NUDT6: variants seen among roughly 807,000 people sequenced by gnomAD.
NUDT6 encodes FAD diphosphatase NUDT6.
In NUDT6, 24 loss-of-function variants were observed where a neutral mutation model predicts 36.8. The observed-to-expected ratio is 0.65, with a 90% CI of 0.47 to 0.92. NUDT6 has a LOEUF of 0.92. Ranked by LOEUF, NUDT6 falls within the 40% of genes least tolerant of loss-of-function variation. NUDT6 has a pLI of 0.00. For synonymous variants in NUDT6, 163 were observed against 157.0 expected (o/e 1.04, Z -0.29); for missense variants, 388 against 392.8 (o/e 0.99, Z 0.10).
intron 3 of NUDT6, among the ~76,000 whole-genome samples, chr4:122,910,370 T>G (rs1727708702): frequency 6.6e-6 from 1 of 152,190 alleles, no homozygotes; most frequent in African/African-American, 2.4e-5. Flanking sequence ...AAGCTCCTTT[T>G]TTTCCAGATT....
rs1159329715 is a variant in NUDT6, at chr4:122,893,188, A to G, written c.591T>C (p.Gly197=). 4 of 1,612,456 alleles carry G rather than the reference A, an allele frequency of 2.5e-6. No homozygotes were observed. The highest frequency in any genetic ancestry group is 3.3e-4 in the Middle Eastern group (2 of 6,076). The change falls in exon 5 of 5, where the codon GGT becomes GGC. Residue 197 remains glycine (G), a synonymous_variant. Coordinates refer to ENST00000304430, the MANE Select transcript of NUDT6 (RefSeq NM_007083.5). The stretch of plus-strand genomic sequence containing the variant: ...GGACGGACCTGAATTCTGATTTTAT[A>G]CCAGTCTCTTCAAAAACTTCTCGAA... The part of the protein sequence containing the change: ...TAVREVFEET[G]IKSEFRSVLS...
chr4:122,916,218 CAG>C (rs1290099031), intron 2 of NUDT6, among the ~76,000 whole-genome samples: 1 of 152,090 alleles, frequency 6.6e-6, no homozygotes, highest in Non-Finnish European at 1.5e-5. Flanking sequence ...GGATAGGGCC[CAG>C]CAATCTGTTT....
At chr4:122,894,145 T>A (rs1030853054) in intron 4 of NUDT6, 1 of 152,238 alleles carries the variant, frequency 6.6e-6, no homozygotes, top group African/African-American at 2.4e-5. Context: ...TCTTGTTTTT[T>A]CCCTCTAATA....
chr4:122,892,956 A>C lies in NUDT6; in HGVS notation c.823T>G (p.Tyr275Asp), dbSNP rs967879543. Residue 275 changes from tyrosine (Y) to aspartate (D), a missense_variant, in exon 5 of 5, where the codon TAC (tyrosine) becomes GAC (aspartate). By Grantham distance (160) the Tyr-to-Asp change is radical. Coordinates refer to ENST00000304430, the MANE Select transcript of NUDT6 (RefSeq NM_007083.5). ...TCAATTTTGTCAAACCCTTCTCTGT[A>C]CCCATACAGCAGCAGCCTAGCAACT... ...SRVARLLLYG[Y>D]REGFDKIDLT... The C allele has an allele frequency of 1.9e-6, 3 of 1,613,992 alleles. No homozygotes were observed. The African/African-American group carries it at 4.0e-5, about 22-fold the overall frequency.
At chr4:122,908,990 G>C (rs968383123) in intron 3 of NUDT6, among the ~76,000 whole-genome samples, 5 of 151,904 alleles carry the variant, frequency 3.3e-5, no homozygotes, top group African/African-American at 7.2e-5. Context: ...TGTAAAAATA[G>C]ATCATCATCC....
chr4:122,906,049 T>C, intron 3 of NUDT6, among the ~76,000 whole-genome samples: 1 of 152,222 alleles, frequency 6.6e-6, no homozygotes, highest in South Asian at 2.1e-4. Context: ...AAAATTCTTA[T>C]GTCCATTCAC....
At position 122,892,902 on chromosome 4, in the gene NUDT6, A is replaced by G. The variant is rs2150794186; in HGVS notation, c.877T>C (p.Tyr293His). Residue 293 changes from tyrosine to histidine, a missense_variant, in exon 5 of 5, where the codon TAC becomes CAC. Coordinates refer to ENST00000304430, the MANE Select transcript of NUDT6 (RefSeq NM_007083.5). ...TAGAGTTTATAAAACAGTCCTGTGT[A>G]AACTGCTGGAAGTTCTTCCACAGTC... Reference protein sequence around the residue: ...DLTVEELPAVYTGLFYKLYHK... With the variant: ...DLTVEELPAVHTGLFYKLYHK... 6.2e-7 allele frequency: 1 copy of G among 1,614,030 alleles called. No individual in the cohort carries two copies. Among genetic ancestry groups the G allele is most frequent in the South Asian group, 1.1e-5 (1 of 91,078 alleles).
Position 122,915,485 on chromosome 4 carries a change from A to C in NUDT6, c.442+2016T>G, listed in dbSNP as rs909245558. 4.3e-3 allele frequency among the ~76,000 whole-genome samples: 397 copies of C among 91,892 alleles called. 1 individual carries two copies. Among genetic ancestry groups the C allele is most frequent in the Non-Finnish European group, 5.3e-3 (177 of 33,304 alleles). The allele number at this position is 91,892 out of a possible 152,430, so 60.3% of individuals were successfully genotyped here. ...ACCCTGCCTCAAAAAAAAAAAAAAAAAAAAAAAAAAAAACAACTCTGCACC... is the reference window on the plus strand; with the variant it reads ...ACCCTGCCTCAAAAAAAAAAAAAAACAAAAAAAAAAAAACAACTCTGCACC... On this transcript the variant is annotated intron_variant, in intron 2 of 4. Transcript: ENST00000304430.
intron 3 of NUDT6, 106 bp from the exon 4 acceptor site, chr4:122,897,784 AT>A (rs1369720285): frequency 3.6e-5 from 28 of 783,938 alleles, no homozygotes; most frequent in Non-Finnish European, 4.9e-5. Flanking sequence ...TTGAGAATAT[AT>A]TTTTTAGTAA....
At chr4:122,920,592 TAAGC>T (rs1727951907) in intron 1 of NUDT6, 1 of 152,244 alleles carries the variant, frequency 6.6e-6, no homozygotes, top group African/African-American at 2.4e-5. Flanking sequence ...AATGCCTGGC[TAAGC>T]ACATGGCAGA....
intron 3 of NUDT6, among the ~76,000 whole-genome samples, chr4:122,907,284 C>T (rs867637903): frequency 6.6e-6 from 1 of 151,898 alleles, no homozygotes; most frequent in Non-Finnish European, 1.5e-5. Context: ...GCATGCGCCA[C>T]CATGCCCTGC....
At chr4:122,906,526 C>G (rs189587059) in intron 3 of NUDT6, among the ~76,000 whole-genome samples, 4 of 152,104 alleles carry the variant, frequency 2.6e-5, no homozygotes, top group Non-Finnish European at 1.5e-5. Context: ...GCTGACTGGA[C>G]CTGGAAAGTA....
rs373683874 is a variant in NUDT6 at position 122,922,342 on chromosome 4, G to A, written c.231C>T (p.Gly77=). The A allele has an allele frequency of 1.9e-6, 3 of 1,599,990 alleles. No individual in the cohort carries two copies. Among genetic ancestry groups the A allele is most frequent in the East Asian group, 2.2e-5 (1 of 44,776 alleles). ...DRLDAAAFQK[G]LQAAVQQWRS... The stretch of plus-strand genomic sequence containing the variant: ...CGTCCCAGGCGCACTTGCCCTGCAA[G>A]CCCTTCTGGAAGGCGGCAGCGTCCA... Residue 77 remains glycine, a synonymous_variant, in exon 1 of 5, where the codon GGC becomes GGT. Coordinates refer to ENST00000304430, the MANE Select transcript of NUDT6 (RefSeq NM_007083.5).
At chr4:122,913,824 T>A (rs1727777864) in intron 2 of NUDT6, among the ~76,000 whole-genome samples, 1 of 152,192 alleles carries the variant, frequency 6.6e-6, no homozygotes. Context: ...AAAATACAAA[T>A]GACGTATTAG....
At chr4:122,902,523 T>C (rs921201655) in intron 3 of NUDT6, among the ~76,000 whole-genome samples, 1 of 152,220 alleles carries the variant, frequency 6.6e-6, no homozygotes, top group African/African-American at 2.4e-5. Context: ...ATCTCCACCT[T>C]ATATAATATT....
chr4:122,917,754 A>C, intron 1 of NUDT6, 50 bp from the exon 2 acceptor site: 1 of 1,563,574 alleles, frequency 6.4e-7, no homozygotes, highest in Non-Finnish European at 8.7e-7. Context: ...GACGAGTGGA[A>C]TAAATTAAAA....
intron 3 of NUDT6, 80 bp from the exon 4 acceptor site, chr4:122,897,758 T>C: frequency 1.0e-6 from 1 of 990,144 alleles, no homozygotes; most frequent in Admixed American, 1.8e-5. Flanking sequence ...AATCCACCTA[T>C]AATTGGTCAA....
Position 122,922,347 on chromosome 4 carries a change from T to C in NUDT6, c.226A>G (p.Lys76Glu), listed in dbSNP as rs1728064646. The C allele has an allele frequency of 1.9e-6, 3 of 1,600,976 alleles. No individual in the cohort carries two copies. The highest frequency in any genetic ancestry group is 2.5e-6 in the Non-Finnish European group (3 of 1,178,664). The change falls in exon 1 of 5, where the codon AAG (lysine) becomes GAG (glutamate). Residue 76 changes from lysine to glutamate, a missense_variant. By Grantham distance (56) the Lys-to-Glu change is moderately conservative (BLOSUM62 1). Coordinates refer to ENST00000304430, the MANE Select transcript of NUDT6 (RefSeq NM_007083.5). Reference sequence around the variant, plus strand: ...CAGGCGCACTTGCCCTGCAAGCCCTTCTGGAAGGCGGCAGCGTCCAGGCGG... The same window carrying C: ...CAGGCGCACTTGCCCTGCAAGCCCTCCTGGAAGGCGGCAGCGTCCAGGCGG... ...LDRLDAAAFQ[K>E]GLQAAVQQWR...
At position 122,893,072 on chromosome 4, in the gene NUDT6, A is replaced by C; in HGVS notation, c.707T>G (p.Ile236Arg). The change falls in exon 5 of 5, where the codon ATA becomes AGA. Residue 236 changes from isoleucine (I) to arginine (R), a missense_variant. By Grantham distance (97) the Ile-to-Arg change is moderately conservative. Coordinates refer to ENST00000304430, the MANE Select transcript of NUDT6 (RefSeq NM_007083.5). ...ICRLKPYSFTINFCQEECLRC... is the reference protein window; with the variant it reads ...ICRLKPYSFTRNFCQEECLRC... The stretch of plus-strand genomic sequence containing the variant: ...TAAGCATTCTTCCTGGCAAAAATTT[A>C]TGGTGAATGAATATGGCTTTAGGCG... 1 of 1,614,184 alleles carries C rather than the reference A, an allele frequency of 6.2e-7. No individual in the cohort carries two copies. The highest frequency in any genetic ancestry group is 1.1e-5 in the South Asian group (1 of 91,080).
Sources: allele counts gnomAD v4.1 joint callset (sites outside exome capture counted in the v4.1 genomes callset), GRCh38; gene constraint gnomAD v4.1.1; transcripts MANE v1.5; gene names NCBI Gene and HGNC (gene_info 2026-07-23, HGNC 2026-07-21).